The following MALRD1 variants were observed in gnomAD, a reference collection of about 807,000 sequenced individuals.
MALRD1 encodes MAM and LDL receptor class A domain containing 1, also known as MAM and LDL-receptor class A domain-containing protein 1.
MALRD1 carries 247 observed loss-of-function variants against 242.1 expected under a neutral mutation model. That is an observed-to-expected ratio of 1.02 (90% CI 0.92 to 1.13). MALRD1 has a LOEUF of 1.13. MALRD1 is among the 50% of genes most tolerant of loss of function. MALRD1 has a pLI of 0.00. For synonymous variants in MALRD1, 995 were observed against 866.6 expected, an observed-to-expected ratio of 1.15 and a Z score of -2.60; for missense variants, 2,989 against 2,533.1, an observed-to-expected ratio of 1.18 and a Z score of -3.86.
intron 28 of MALRD1, among the ~76,000 whole-genome samples, chr10:19,427,940 C>T (rs1833962708): frequency 6.6e-6 from 1 of 152,122 alleles, no homozygotes; most frequent in South Asian, 2.1e-4. Context: ...TTGCATATCA[C>T]TGTATACACA....
At chr10:19,291,053 T>A (rs147974892) in intron 21 of MALRD1, among the ~76,000 whole-genome samples, 8 of 152,320 alleles carry the variant, frequency 5.3e-5, no homozygotes, top group African/African-American at 1.9e-4. Flanking sequence ...AATTCATTTT[T>A]ATTGCTGGAA....
At chr10:19,386,470 T>C (rs1412921536) in intron 26 of MALRD1, among the ~76,000 whole-genome samples, 5 of 152,068 alleles carry the variant, frequency 3.3e-5, no homozygotes, top group African/African-American at 7.2e-5. Context: ...GAAGCTGATA[T>C]CCCAAGCTGG....
intron 18 of MALRD1, among the ~76,000 whole-genome samples, chr10:19,245,133 A>G (rs900062432): frequency 4.6e-5 from 7 of 152,182 alleles, no homozygotes; most frequent in Non-Finnish European, 8.8e-5. Flanking sequence ...TTTTGTTTCA[A>G]TGTTGAAATG....
intron 18 of MALRD1, among the ~76,000 whole-genome samples, chr10:19,229,118 A>G (rs1037432836): frequency 5.9e-5 from 9 of 152,150 alleles, no homozygotes; most frequent in Non-Finnish European, 1.5e-5. Flanking sequence ...ACACACTGAT[A>G]AAAGAATTTG....
intron 29 of MALRD1, among the ~76,000 whole-genome samples, chr10:19,460,027 A>G (rs1472351996): frequency 6.6e-6 from 1 of 152,212 alleles, no homozygotes; most frequent in African/African-American, 2.4e-5. Flanking sequence ...GAAAATTTTC[A>G]TATTTAGGAT....
intron 28 of MALRD1, among the ~76,000 whole-genome samples, chr10:19,439,869 G>A (rs192717377): frequency 7.2e-5 from 11 of 152,024 alleles, no homozygotes; most frequent in South Asian, 6.2e-4. Flanking sequence ...TTCTTTGGTC[G>A]TATACATTTT....
intron 33 of MALRD1, among the ~76,000 whole-genome samples, chr10:19,582,424 T>G (rs1475248710): frequency 2.1e-5 from 3 of 146,036 alleles, no homozygotes; most frequent in South Asian, 2.2e-4. Flanking sequence ...GGGATCCAGT[T>G]TCAGCTTTCT....
At position 19,498,525 on chromosome 10, in the gene MALRD1, A is replaced by T. The variant is rs1432108231; in HGVS notation, c.5199A>T (p.Thr1733=). 6.5e-7 allele frequency: 1 copy of T among 1,550,366 alleles called. No individual in the cohort carries two copies. The highest frequency in any genetic ancestry group is 1.2e-5 in the South Asian group (1 of 84,046). Residue 1733 remains threonine, a synonymous_variant, in exon 31 of 40, where the codon ACA becomes ACT. Coordinates refer to ENST00000454679, the MANE Select transcript of MALRD1 (RefSeq NM_001142308.3). ...CAACAGGAAGCTGCAATTTTGAAACAAGTTCAGGAAACTGGACCACAGCCT... is the reference window on the plus strand; with the variant it reads ...CAACAGGAAGCTGCAATTTTGAAACTAGTTCAGGAAACTGGACCACAGCCT... ...TSTTGSCNFE[T]SSGNWTTACS... is the part of the protein sequence containing the mutation.
chr10:19,480,104 G>A (rs547775319), intron 29 of MALRD1, among the ~76,000 whole-genome samples: 7 of 152,328 alleles, frequency 4.6e-5, no homozygotes, highest in African/African-American at 1.4e-4. Context: ...GGACAAGTGC[G>A]TGAAAGAAGA....
At chr10:19,524,070 T>C (rs1006566388) in intron 31 of MALRD1, among the ~76,000 whole-genome samples, 3 of 152,218 alleles carry the variant, frequency 2.0e-5, no homozygotes, top group African/African-American at 7.2e-5. Flanking sequence ...TATCAAATGC[T>C]ATGAGAAAAA....
At chr10:19,255,527 T>C (rs1410329263) in intron 18 of MALRD1, among the ~76,000 whole-genome samples, 2 of 152,050 alleles carry the variant, frequency 1.3e-5, no homozygotes, top group African/African-American at 4.8e-5. Flanking sequence ...GTCATAACTT[T>C]GTTGCTGAAG....
At chr10:19,652,396 A>G (rs931834640) in intron 36 of MALRD1, among the ~76,000 whole-genome samples, 1 of 152,232 alleles carries the variant, frequency 6.6e-6, no homozygotes, top group Non-Finnish European at 1.5e-5. Context: ...GTGCTCGAGT[A>G]TGTGGCCCAT....
intron 28 of MALRD1, among the ~76,000 whole-genome samples, chr10:19,447,993 G>T (rs3908736): frequency 0.15 from 22,429 of 151,978 alleles, 1,949 homozygotes; most frequent in African/African-American, 0.25. Flanking sequence ...TAGTTGTTTT[G>T]CAAAGTTAAT....
At chr10:19,520,359 T>C (rs12251105) in intron 31 of MALRD1, among the ~76,000 whole-genome samples, 5,458 of 152,222 alleles carry the variant, frequency 0.036, 178 homozygotes, top group African/African-American at 0.091. Flanking sequence ...GCATTTTGTC[T>C]ACCAATGGCT....
intron 11 of MALRD1, among the ~76,000 whole-genome samples, chr10:19,153,730 T>C (rs755783044): frequency 6.6e-6 from 1 of 152,002 alleles, no homozygotes; most frequent in South Asian, 2.1e-4. Flanking sequence ...TTAACTCAGA[T>C]GTGGGACCGT....
chr10:19,424,317 G>A (rs1428099141), intron 28 of MALRD1, among the ~76,000 whole-genome samples: 2 of 151,928 alleles, frequency 1.3e-5, no homozygotes, highest in Non-Finnish European at 2.9e-5. Context: ...CCACCACCAC[G>A]CTTAGCTCAT....
intron 26 of MALRD1, among the ~76,000 whole-genome samples, chr10:19,379,501 A>G (rs552647559): frequency 6.6e-6 from 1 of 152,272 alleles, no homozygotes; most frequent in South Asian, 2.1e-4. Flanking sequence ...TCATTTTCAT[A>G]GGGTTCAAAC....
At chr10:19,395,701 C>G (rs187880178) in intron 28 of MALRD1, among the ~76,000 whole-genome samples, 2 of 152,170 alleles carry the variant, frequency 1.3e-5, no homozygotes, top group Non-Finnish European at 2.9e-5. Flanking sequence ...CAGTTAGTTG[C>G]GACAACATCA....
chr10:19,547,436 A>G (rs1370758813), intron 32 of MALRD1, among the ~76,000 whole-genome samples: 2 of 151,966 alleles, frequency 1.3e-5, no homozygotes, highest in Admixed American at 1.3e-4. Flanking sequence ...TCTGCTTCTG[A>G]TCCTTCTTAT....
Sources: allele counts gnomAD v4.1 joint callset (sites outside exome capture counted in the v4.1 genomes callset), GRCh38; gene constraint gnomAD v4.1.1; transcripts MANE v1.5; gene names NCBI Gene and HGNC (gene_info 2026-07-23, HGNC 2026-07-21).